Variants in CPNE8 observed in about 807,000 individuals in gnomAD.
The protein encoded by CPNE8 is copine 8.
Under a neutral mutation model 81.5 loss-of-function variants are expected in CPNE8, and 45 were observed. The observed-to-expected ratio is 0.55, with a 90% confidence interval of 0.44 to 0.71. CPNE8 has a LOEUF of 0.71. Among genes scored for constraint, CPNE8 ranks in the 30% least tolerant of loss-of-function variants. The pLI, the probability that CPNE8 is intolerant of heterozygous loss-of-function variation, is 0.00. For synonymous variants in CPNE8, 252 were observed against 226.3 expected (o/e 1.11, Z -1.02); for missense variants, 594 against 672.1 (o/e 0.88, Z 1.28).
chr12:38,812,149 G>T (rs1942948812), intron 6 of CPNE8, among the ~76,000 whole-genome samples: 1 of 152,206 alleles, frequency 6.6e-6, no homozygotes, highest in Non-Finnish European at 1.5e-5. Context: ...AACACAGAAG[G>T]TGGCAGGAAC....
chr12:38,825,794 T>C (rs1252805087), intron 6 of CPNE8, among the ~76,000 whole-genome samples: 1 of 152,210 alleles, frequency 6.6e-6, no homozygotes, highest in African/African-American at 2.4e-5. Context: ...TCCAGTCCAT[T>C]GTTCACCTGC....
At chr12:38,690,880 T>C (rs1939658816) in intron 15 of CPNE8, among the ~76,000 whole-genome samples, 1 of 152,184 alleles carries the variant, frequency 6.6e-6, no homozygotes, top group Non-Finnish European at 1.5e-5. Flanking sequence ...TCTGGGAGAT[T>C]TTAATTTTCT....
chr12:38,758,403 C>T (rs534240494), intron 10 of CPNE8, among the ~76,000 whole-genome samples: 3 of 152,156 alleles, frequency 2.0e-5, no homozygotes, highest in African/African-American at 7.2e-5. Context: ...TTAAATTTTC[C>T]TTATAGTCTT....
intron 4 of CPNE8, among the ~76,000 whole-genome samples, chr12:38,846,956 T>C (rs900156374): frequency 6.6e-6 from 1 of 152,122 alleles, no homozygotes; most frequent in Non-Finnish European, 1.5e-5. Flanking sequence ...ATGTGGTATA[T>C]GCATATTTTG....
rs565037760 is a variant in CPNE8 at position 38,767,752 on chromosome 12, T to C, written c.472-14A>G. On this transcript the variant is annotated splice_polypyrimidine_tract_variant and intron_variant, in intron 7 of 19. Transcript: ENST00000331366. ...CAAAACGGCATCCTAAAAACAAAAT[T>C]AATAAAACAGTTCAAGATTTGGGCT... The C allele has an allele frequency of 3.7e-5, 55 of 1,476,362 alleles. No homozygotes were observed. Among genetic ancestry groups the C allele is most frequent in the Non-Finnish European group, 4.9e-5 (54 of 1,104,054 alleles). The allele number at this position is 1,476,362 out of a possible 1,614,324, so 91.5% of individuals were successfully genotyped here. A position where few individuals can be genotyped will look rare whatever the true frequency, so the allele number is the denominator to read the frequency against.
chr12:38,693,527 T>C, intron 15 of CPNE8, 130 bp downstream of exon 15: 1 of 748,914 alleles, frequency 1.3e-6, no homozygotes, highest in Non-Finnish European at 2.1e-6. Context: ...CCAAAGTCAA[T>C]TACTTACCAA....
intron 6 of CPNE8, among the ~76,000 whole-genome samples, chr12:38,796,170 C>T (rs1250170426): frequency 6.6e-6 from 1 of 152,048 alleles, no homozygotes; most frequent in Non-Finnish European, 1.5e-5. Context: ...GCCTGTAATT[C>T]CAGCTACTTG....
At chr12:38,746,987 A>G in intron 10 of CPNE8, among the ~76,000 whole-genome samples, 1 of 152,324 alleles carries the variant, frequency 6.6e-6, no homozygotes, top group South Asian at 2.1e-4. Flanking sequence ...GGGACACATG[A>G]GTGATCTGCA....
chr12:38,799,989 C>G (rs1942616883), intron 6 of CPNE8, among the ~76,000 whole-genome samples: 1 of 146,892 alleles, frequency 6.8e-6, no homozygotes, highest in East Asian at 2.0e-4. Flanking sequence ...TATCCCACAC[C>G]TGGCTCAGAG....
intron 6 of CPNE8, among the ~76,000 whole-genome samples, chr12:38,777,839 C>A (rs1182319517): frequency 6.6e-6 from 1 of 152,146 alleles, no homozygotes; most frequent in Non-Finnish European, 1.5e-5. Flanking sequence ...AGCTGAGCCT[C>A]ATCTGTTTTC....
upstream of CPNE8, chr12:38,906,038 GT>G: frequency 2.0e-6 from 2 of 987,244 alleles, no homozygotes; most frequent in Non-Finnish European, 2.4e-6. Context: ...GGACGGGAAG[GT>G]CTCGAAGTTT....
intron 5 of CPNE8, among the ~76,000 whole-genome samples, chr12:38,830,781 C>T (rs1401442052): frequency 6.6e-6 from 1 of 152,156 alleles, no homozygotes; most frequent in Admixed American, 6.5e-5. Flanking sequence ...CTAGTATTGG[C>T]CCCATTTCTC....
At chr12:38,660,410 A>G (rs1023119914) in intron 19 of CPNE8, among the ~76,000 whole-genome samples, 4 of 152,266 alleles carry the variant, frequency 2.6e-5, no homozygotes, top group Non-Finnish European at 4.4e-5. Context: ...CTGGCTAGCC[A>G]TATGTAGAAA....
Position 38,874,416 on chromosome 12 carries a change from C to T in CPNE8, c.139+55G>A. 4.5e-6 allele frequency: 6 copies of T among 1,324,618 alleles called. No homozygotes were observed. The South Asian group carries it at 7.2e-5, about 16-fold the overall frequency. The allele number at this position is 1,324,618 out of a possible 1,614,324, so 82.1% of individuals were successfully genotyped here. A position where few individuals can be genotyped will look rare whatever the true frequency, so the allele number is the denominator to read the frequency against. On this transcript the variant is annotated intron_variant, in intron 2 of 19. Transcript: ENST00000331366. Reference sequence around the variant, plus strand: ...CCTTTAAACAAGAACTATGAGTTTCCTACAACTTTTGCAAAATCAAATGAT... The same window carrying T: ...CCTTTAAACAAGAACTATGAGTTTCTTACAACTTTTGCAAAATCAAATGAT...
chr12:38,769,844 A>G (rs1941765327), intron 7 of CPNE8, among the ~76,000 whole-genome samples: 1 of 152,238 alleles, frequency 6.6e-6, no homozygotes, highest in South Asian at 2.1e-4. Context: ...TAGGGCTTGC[A>G]AAATGAATAA....
At chr12:38,789,470 C>T (rs551272386) in intron 6 of CPNE8, among the ~76,000 whole-genome samples, 1 of 151,742 alleles carries the variant, frequency 6.6e-6, no homozygotes, top group South Asian at 2.1e-4. Flanking sequence ...ATTACTTAAA[C>T]AAAAGTCCTC....
intron 19 of CPNE8, among the ~76,000 whole-genome samples, chr12:38,669,063 T>A (rs1263802618): frequency 6.8e-6 from 1 of 147,498 alleles, no homozygotes; most frequent in East Asian, 2.0e-4. Flanking sequence ...AAAAAAAAAA[T>A]AAAATAAATA....
intron 15 of CPNE8, among the ~76,000 whole-genome samples, chr12:38,689,304 C>A (rs1415202420): frequency 1.3e-5 from 2 of 152,176 alleles, no homozygotes; most frequent in East Asian, 3.9e-4. Context: ...CCAGCTCTTA[C>A]CCATTTTTCC....
At chr12:38,892,935 A>T (rs1322829240) in intron 1 of CPNE8, among the ~76,000 whole-genome samples, 1 of 152,146 alleles carries the variant, frequency 6.6e-6, no homozygotes, top group Non-Finnish European at 1.5e-5. Context: ...TCTTGGGGAG[A>T]ATATTAAGGA....
Sources: gnomAD v4.1 joint callset for allele counts (sites outside exome capture counted in the v4.1 genomes callset) on GRCh38, gnomAD v4.1.1 for gene constraint, MANE v1.5 for transcripts, NCBI Gene and HGNC (gene_info 2026-07-23, HGNC 2026-07-21) for gene names.